TMEM132B: variants seen among roughly 807,000 people sequenced by gnomAD.
The protein encoded by TMEM132B is transmembrane protein 132B.
Under a neutral mutation model 90.8 loss-of-function variants are expected in TMEM132B, and 18 were observed. The observed-to-expected ratio is 0.20, with a 90% CI of 0.14 to 0.29. The LOEUF (loss-of-function observed/expected upper bound fraction) is 0.29, where lower values mean the gene tolerates loss of function less well. Among genes scored for constraint, TMEM132B ranks in the 10% least tolerant of loss-of-function variants. TMEM132B has a pLI of 1.00. For synonymous variants in TMEM132B, 504 were observed against 523.3 expected, an observed-to-expected ratio of 0.96 and a Z score of 0.50; for missense variants, 1,096 against 1,326.8, an observed-to-expected ratio of 0.83 and a Z score of 2.70.
chr12:125,540,686 C>T (rs1443930141), intron 4 of TMEM132B, among the ~76,000 whole-genome samples: 9 of 152,188 alleles, frequency 5.9e-5, no homozygotes, highest in African/African-American at 2.2e-4. Context: ...TACTCAAGTC[C>T]ACCAGCATCT....
intron 4 of TMEM132B, among the ~76,000 whole-genome samples, chr12:125,536,386 T>A (rs76800158): frequency 0.014 from 2,072 of 152,276 alleles, 55 homozygotes; most frequent in African/African-American, 0.047. Context: ...GGGTGATCAT[T>A]CGGTTTTTTG....
intron 1 of TMEM132B, among the ~76,000 whole-genome samples, chr12:125,261,703 T>C (rs4765236): frequency 0.055 from 8,371 of 152,076 alleles, 322 homozygotes; most frequent in African/African-American, 0.099. Flanking sequence ...ATATCTGGAG[T>C]GTATGGAGGC....
intron 2 of TMEM132B, among the ~76,000 whole-genome samples, chr12:125,409,600 G>A (rs1593128489): frequency 1.0e-5 from 1 of 99,000 alleles, no homozygotes; most frequent in Non-Finnish European, 1.9e-5. Flanking sequence ...TGGAGTGGAG[G>A]AGTGGAGTGG....
intron 4 of TMEM132B, among the ~76,000 whole-genome samples, chr12:125,559,301 G>A (rs1884464593): frequency 6.6e-6 from 1 of 152,140 alleles, no homozygotes; most frequent in Non-Finnish European, 1.5e-5. Flanking sequence ...GGAAGTCGAG[G>A]CTGCAGTGAG....
chr12:125,450,396 T>C (rs1376685072), intron 3 of TMEM132B, among the ~76,000 whole-genome samples: 1 of 152,182 alleles, frequency 6.6e-6, no homozygotes, highest in Non-Finnish European at 1.5e-5. Flanking sequence ...ATGGAAGAAT[T>C]TGAGCACCAA....
chr12:125,566,882 C>T (rs1486664088), intron 4 of TMEM132B, among the ~76,000 whole-genome samples: 13 of 131,510 alleles, frequency 9.9e-5, no homozygotes, highest in Non-Finnish European at 1.5e-4. Context: ...CTTGCACTGT[C>T]GCCCATGCTG....
chr12:125,435,287 A>G (rs1219260729), intron 3 of TMEM132B, among the ~76,000 whole-genome samples: 2 of 152,216 alleles, frequency 1.3e-5, no homozygotes, highest in Non-Finnish European at 2.9e-5. Flanking sequence ...CTTGATGTCC[A>G]AAGAAGGCAG....
intron 4 of TMEM132B, among the ~76,000 whole-genome samples, chr12:125,568,405 G>A (rs148302672): frequency 3.2e-4 from 48 of 152,164 alleles, no homozygotes; most frequent in African/African-American, 1.2e-3. Context: ...GGGAGGAGGG[G>A]GTCTCTCCAT....
rs751656445 is a variant in TMEM132B, at chr12:125,653,672, G to T, written c.2214G>T (p.Met738Ile). 1 of 1,614,158 alleles carries T rather than the reference G, an allele frequency of 6.2e-7. No individual in the cohort carries two copies. Among genetic ancestry groups the T allele is most frequent in the Non-Finnish European group, 8.5e-7 (1 of 1,180,032 alleles). Residue 738 changes from methionine to isoleucine, a missense_variant, in exon 9 of 9, where the codon ATG becomes ATT. By Grantham distance (10) the Met-to-Ile change is conservative. Transcript: ENST00000682704. Reference protein sequence around the residue: ...YSVTVSSLDEMVVSVQANLES... With the variant: ...YSVTVSSLDEIVVSVQANLES... ...TTACTGTCTCATCATTGGATGAAAT[G>T]GTGGTGTCTGTCCAGGCAAACCTTG...
intron 5 of TMEM132B, among the ~76,000 whole-genome samples, chr12:125,614,336 G>C (rs1298440172): frequency 6.6e-6 from 1 of 152,074 alleles, no homozygotes; most frequent in Non-Finnish European, 1.5e-5. Flanking sequence ...TCAATGTTTA[G>C]TTGCCACTTA....
intron 3 of TMEM132B, among the ~76,000 whole-genome samples, chr12:125,517,213 T>A (rs563218813): frequency 6.6e-6 from 1 of 151,348 alleles, no homozygotes; most frequent in South Asian, 2.1e-4. Context: ...CAGGCTGGAG[T>A]GCAGCGGTGT....
chr12:125,620,548 T>C (rs1184642120), intron 5 of TMEM132B, among the ~76,000 whole-genome samples: 1 of 152,150 alleles, frequency 6.6e-6, no homozygotes, highest in African/African-American at 2.4e-5. Context: ...AACAAACTAG[T>C]TTAAGATCTG....
intron 4 of TMEM132B, among the ~76,000 whole-genome samples, chr12:125,533,332 A>G (rs561496353): frequency 6.6e-6 from 1 of 152,244 alleles, no homozygotes; most frequent in Non-Finnish European, 1.5e-5. Context: ...ATGAAATTCA[A>G]CATATTTAAT....
At chr12:125,307,303 T>G (rs1875995858) in intron 1 of TMEM132B, among the ~76,000 whole-genome samples, 1 of 152,214 alleles carries the variant, frequency 6.6e-6, no homozygotes, top group Admixed American at 6.5e-5. Context: ...GAATGAATGG[T>G]GTAGACACTC....
chr12:125,441,794 A>G (rs1455749142), intron 3 of TMEM132B, among the ~76,000 whole-genome samples: 1 of 152,252 alleles, frequency 6.6e-6, no homozygotes, highest in Non-Finnish European at 1.5e-5. Flanking sequence ...CTCTTTCTGA[A>G]TCTCTTCTGT....
At chr12:125,484,565 G>A (rs1435969502) in intron 3 of TMEM132B, among the ~76,000 whole-genome samples, 1 of 152,126 alleles carries the variant, frequency 6.6e-6, no homozygotes, top group Non-Finnish European at 1.5e-5. Context: ...TGGTGAGGCT[G>A]TTAATTTGTT....
intron 1 of TMEM132B, among the ~76,000 whole-genome samples, chr12:125,264,518 C>T (rs1040457905): frequency 6.6e-6 from 1 of 152,134 alleles, no homozygotes; most frequent in African/African-American, 2.4e-5. Flanking sequence ...CAGATAGGGC[C>T]TGGGGCCCAG....
At chr12:125,189,617 A>G (rs1388605744) in intron 1 of TMEM132B, among the ~76,000 whole-genome samples, 2 of 152,116 alleles carry the variant, frequency 1.3e-5, no homozygotes, top group Non-Finnish European at 2.9e-5. Flanking sequence ...CGCCTTCTCC[A>G]GTGATTTAAT....
intron 2 of TMEM132B, among the ~76,000 whole-genome samples, chr12:125,404,750 G>A (rs1879416329): frequency 6.6e-6 from 1 of 152,166 alleles, no homozygotes; most frequent in Non-Finnish European, 1.5e-5. Context: ...TGGGAGTCTT[G>A]CTCCTAATCC....
Sources: allele counts gnomAD v4.1 joint callset (sites outside exome capture counted in the v4.1 genomes callset), GRCh38; gene constraint gnomAD v4.1.1; transcripts MANE v1.5; gene names NCBI Gene and HGNC (gene_info 2026-07-23, HGNC 2026-07-21).